The following THSD7B variants were observed in gnomAD, a reference collection of about 807,000 sequenced individuals.
THSD7B encodes the protein thrombospondin type 1 domain containing 7B.
In THSD7B, 138 loss-of-function variants were observed where a neutral mutation model predicts 213.6. The ratio of observed to expected loss-of-function variants is 0.65; its 90% CI spans 0.56 to 0.74. The LOEUF (loss-of-function observed/expected upper bound fraction) is 0.74, where lower values mean the gene tolerates loss of function less well. Among genes scored for constraint, THSD7B ranks in the 30% least tolerant of loss-of-function variants. The pLI is 0.00. For missense variants in THSD7B, 1,931 were observed against 1,991.5 expected, an observed-to-expected ratio of 0.97 and a Z score of 0.58; for synonymous variants, 742 against 687.0, an observed-to-expected ratio of 1.08 and a Z score of -1.25.
chr2:136,931,261 C>T (rs1684622396), intron 2 of THSD7B, among the ~76,000 whole-genome samples: 1 of 152,136 alleles, frequency 6.6e-6, no homozygotes, highest in Admixed American at 6.5e-5. Flanking sequence ...TGCACACATA[C>T]ATGCATGTGT....
At chr2:137,616,339 T>C in intron 18 of THSD7B, 23 bp downstream of exon 18, 10 of 1,604,728 alleles carry the variant, frequency 6.2e-6, no homozygotes, top group Non-Finnish European at 8.5e-6. Flanking sequence ...TCTATGACCT[T>C]GTCGTTCTCC....
chr2:137,638,717 C>T (rs575022797), intron 20 of THSD7B, among the ~76,000 whole-genome samples: 11 of 152,214 alleles, frequency 7.2e-5, no homozygotes, highest in Non-Finnish European at 1.0e-4. Flanking sequence ...CAATAAAGTT[C>T]GGGCTGAGGT....
chr2:137,115,137 A>G lies in THSD7B; in HGVS notation c.1213A>G (p.Thr405Ala). 2 of 1,613,948 alleles carry G rather than the reference A, an allele frequency of 1.2e-6. No individual in the cohort carries two copies. The highest frequency in any genetic ancestry group is 8.5e-7 in the Non-Finnish European group (1 of 1,179,872). ...LQQCPRYSWR[T>A]SEWKECQVSL... ...CAAACCAAACAGGTATTCCTGGAGA[A>G]CTTCTGAATGGAAAGAATGCCAAGT... is the stretch of plus-strand genomic sequence containing the variant. The change falls in exon 5 of 28, where the codon ACT becomes GCT. Residue 405 changes from threonine (T) to alanine (A), a missense_variant. By Grantham distance (58) the Thr-to-Ala change is moderately conservative. Coordinates refer to ENST00000409968, the MANE Select transcript of THSD7B (RefSeq NM_001316349.2).
intron 15 of THSD7B, among the ~76,000 whole-genome samples, chr2:137,540,351 C>CA (rs1167044886): frequency 4.0e-5 from 6 of 151,710 alleles, no homozygotes; most frequent in Non-Finnish European, 8.9e-5. Context: ...GGGTTTGCCA[C>CA]AATCTGGAGA....
chr2:137,634,616 G>T (rs948954264), intron 20 of THSD7B, among the ~76,000 whole-genome samples: 26 of 152,172 alleles, frequency 1.7e-4, no homozygotes, highest in African/African-American at 6.0e-4. Flanking sequence ...ATGACTATGT[G>T]TCAGGGCCAC....
At chr2:137,099,623 C>T (rs1215004302) in intron 4 of THSD7B, among the ~76,000 whole-genome samples, 1 of 152,152 alleles carries the variant, frequency 6.6e-6, no homozygotes, top group African/African-American at 2.4e-5. Flanking sequence ...ACTCCTACGA[C>T]CCCACTGGGA....
chr2:136,966,507 G>A (rs1226434732), intron 2 of THSD7B, among the ~76,000 whole-genome samples: 4 of 152,180 alleles, frequency 2.6e-5, no homozygotes, highest in East Asian at 1.9e-4. Context: ...ATGAGCCGCT[G>A]TGTCCAGCCA....
intron 17 of THSD7B, among the ~76,000 whole-genome samples, chr2:137,596,662 TTTTC>T (rs796370021): frequency 1.1e-4 from 16 of 152,026 alleles, no homozygotes; most frequent in African/African-American, 3.9e-4. Flanking sequence ...TCTTTTTTTG[TTTTC>T]TTTCTTCTCT....
chr2:137,288,849 T>G (rs1218971883), intron 12 of THSD7B, among the ~76,000 whole-genome samples: 1 of 151,822 alleles, frequency 6.6e-6, no homozygotes, highest in Non-Finnish European at 1.5e-5. Flanking sequence ...TTGATGCCAT[T>G]TTCTTTTGAA....
At chr2:137,192,135 GA>G (rs1218552684) in intron 7 of THSD7B, among the ~76,000 whole-genome samples, 2 of 151,988 alleles carry the variant, frequency 1.3e-5, no homozygotes, top group African/African-American at 4.8e-5. Flanking sequence ...AGAAGTGAAA[GA>G]AAAAAATCAA....
At chr2:137,099,729 G>A (rs1488272465) in intron 4 of THSD7B, among the ~76,000 whole-genome samples, 1 of 152,192 alleles carries the variant, frequency 6.6e-6, no homozygotes, top group Non-Finnish European at 1.5e-5. Context: ...AATGGTGACA[G>A]TGACCAATAC....
At chr2:137,459,877 G>A (rs548467541) in intron 15 of THSD7B, among the ~76,000 whole-genome samples, 3 of 152,168 alleles carry the variant, frequency 2.0e-5, no homozygotes, top group South Asian at 2.1e-4. Flanking sequence ...ATTAAGGAAC[G>A]TGTATTTGTT....
chr2:137,176,681 T>C (rs1014183665), intron 7 of THSD7B, among the ~76,000 whole-genome samples: 3 of 152,208 alleles, frequency 2.0e-5, no homozygotes, highest in Non-Finnish European at 2.9e-5. Context: ...TGCCTAAGAA[T>C]TGTCTCTGTT....
chr2:136,876,526 A>G (rs916623854), intron 1 of THSD7B, among the ~76,000 whole-genome samples: 4 of 152,214 alleles, frequency 2.6e-5, no homozygotes, highest in Admixed American at 6.5e-5. Flanking sequence ...GCTTCAGTCC[A>G]CCATTCCGTA....
chr2:137,293,157 T>TG (rs1683378171), intron 12 of THSD7B, among the ~76,000 whole-genome samples: 1 of 151,502 alleles, frequency 6.6e-6, no homozygotes, highest in Admixed American at 6.6e-5. Context: ...TTTTTTTTTC[T>TG]TTTGAGACAT....
At chr2:137,412,778 G>T (rs966099077) in intron 14 of THSD7B, among the ~76,000 whole-genome samples, 2 of 151,608 alleles carry the variant, frequency 1.3e-5, no homozygotes, top group African/African-American at 2.4e-5. Flanking sequence ...AAAGATCTGG[G>T]TGTATGGAAA....
At chr2:137,051,555 T>C (rs1687072174) in intron 2 of THSD7B, among the ~76,000 whole-genome samples, 1 of 152,216 alleles carries the variant, frequency 6.6e-6, no homozygotes, top group Non-Finnish European at 1.5e-5. Flanking sequence ...ATTTTGTAAT[T>C]CTGAGGTTTA....
intron 12 of THSD7B, among the ~76,000 whole-genome samples, chr2:137,389,115 T>C (rs1685957039): frequency 6.7e-6 from 1 of 149,928 alleles, no homozygotes; most frequent in African/African-American, 2.4e-5. Flanking sequence ...TTACTGGCTG[T>C]ATTAATTTAC....
chr2:137,280,679 G>C (rs1460218417), intron 12 of THSD7B, among the ~76,000 whole-genome samples: 1 of 152,040 alleles, frequency 6.6e-6, no homozygotes, highest in East Asian at 1.9e-4. Context: ...TTTCTGCCCA[G>C]AGTCTTGTGC....
Sources: allele counts gnomAD v4.1 joint callset (sites outside exome capture counted in the v4.1 genomes callset), GRCh38; gene constraint gnomAD v4.1.1; transcripts MANE v1.5; gene names NCBI Gene and HGNC (gene_info 2026-07-23, HGNC 2026-07-21).